The following ATP10B variants were observed in gnomAD, a reference collection of about 807,000 sequenced individuals.
The protein encoded by ATP10B is phospholipid-transporting ATPase VB.
ATP10B carries 122 observed loss-of-function variants against 141.2 expected under a neutral mutation model. The observed-to-expected ratio is 0.86, with a 90% CI of 0.75 to 1.00. ATP10B has a LOEUF of 1.00. Ranked by LOEUF, ATP10B falls within the 50% of genes least tolerant of loss-of-function variation. ATP10B has a pLI of 0.00. For synonymous variants in ATP10B, 685 were observed against 692.0 expected (o/e 0.99, Z 0.16); for missense variants, 1,876 against 1,825.3 (o/e 1.03, Z -0.51).
intron 2 of ATP10B, among the ~76,000 whole-genome samples, chr5:160,768,386 C>T (rs1561834482): frequency 6.6e-6 from 1 of 152,116 alleles, no homozygotes; most frequent in Non-Finnish European, 1.5e-5. Context: ...CTAGGCCTGT[C>T]CAAAATCCAT....
chr5:160,691,163 A>G (rs1471117575), intron 3 of ATP10B, among the ~76,000 whole-genome samples: 1 of 152,182 alleles, frequency 6.6e-6, no homozygotes, highest in African/African-American at 2.4e-5. Context: ...CTATGAGAAC[A>G]CATGGACACA....
At chr5:160,850,259 A>G (rs988845023) in intron 1 of ATP10B, among the ~76,000 whole-genome samples, 1 of 152,080 alleles carries the variant, frequency 6.6e-6, no homozygotes, top group Non-Finnish European at 1.5e-5. Context: ...ACAAAAAACA[A>G]AAAACAAAAC....
At chr5:160,600,556 A>G (rs1413910456) in intron 21 of ATP10B, among the ~76,000 whole-genome samples, 1 of 152,176 alleles carries the variant, frequency 6.6e-6, no homozygotes. Flanking sequence ...GCAGACATTC[A>G]ATTGTTATTT....
In ATP10B at chr5:160,767,733, G is replaced by A. The variant is rs942389709; in HGVS notation, c.-331+17826C>T. ...CATAAAGCTTGGCTCCCTAACAAAAGCAGTTTAATCCTGGATTCTTGCTAT... is the reference window on the plus strand; with the variant it reads ...CATAAAGCTTGGCTCCCTAACAAAAACAGTTTAATCCTGGATTCTTGCTAT... On this transcript the variant is annotated intron_variant, in intron 2 of 25. Coordinates refer to ENST00000327245, the MANE Select transcript of ATP10B (RefSeq NM_025153.3). Among the ~76,000 whole-genome samples the A allele has an allele frequency of 5.4e-5, 8 of 147,380 alleles. No homozygotes were observed. In the South Asian group the frequency reaches 1.5e-3, roughly 27 times the overall value.
intron 2 of ATP10B, among the ~76,000 whole-genome samples, chr5:160,738,775 A>G (rs533209504): frequency 1.7e-4 from 26 of 152,186 alleles, no homozygotes; most frequent in Non-Finnish European, 3.7e-4. Context: ...CCAGGCACAT[A>G]GATGGCTTCA....
the ATP10B span, among the ~76,000 whole-genome samples, chr5:160,922,667 G>A: frequency 6.6e-6 from 1 of 152,146 alleles, no homozygotes; most frequent in East Asian, 1.9e-4. Context: ...AAACCAATCT[G>A]AAAAACAAAT....
the ATP10B span, among the ~76,000 whole-genome samples, chr5:160,920,744 C>T: frequency 6.6e-6 from 1 of 152,206 alleles, no homozygotes; most frequent in Admixed American, 6.5e-5. Flanking sequence ...CAATGTCATG[C>T]AAACCCTTTG....
rs188512090 is a variant in ATP10B, at chr5:160,709,148, A to G, written c.-205+7761T>C. Among the ~76,000 whole-genome samples the G allele has an allele frequency of 2.0e-5, 3 of 152,322 alleles. No individual in the cohort carries two copies. In the East Asian group the frequency reaches 5.8e-4, roughly 29 times the overall value. On this transcript the variant is annotated intron_variant, in intron 3 of 25. Coordinates refer to ENST00000327245, the MANE Select transcript of ATP10B (RefSeq NM_025153.3). ...AGTGCATTAAAGACCTGCCTCATTG[A>G]GGGATAGGGTGAGGATTAAAACAAA...
rs1756255769 is a variant in ATP10B, at chr5:160,591,039, A to G, written c.3645+20T>C. On this transcript the variant is annotated intron_variant, in intron 23 of 25. Transcript: ENST00000327245. Reference sequence around the variant, plus strand: ...TCTTCTCTGCAATTTATGTGGTTAGAATGGGACTACATGACTTACCAGGTA... The same window carrying G: ...TCTTCTCTGCAATTTATGTGGTTAGGATGGGACTACATGACTTACCAGGTA... 2 of 1,598,174 alleles carry G rather than the reference A, an allele frequency of 1.3e-6. No homozygotes were observed. Among genetic ancestry groups the G allele is most frequent in the Admixed American group, 3.4e-5 (2 of 59,404 alleles).
the ATP10B span, among the ~76,000 whole-genome samples, chr5:160,927,468 C>A: frequency 6.6e-6 from 1 of 152,148 alleles, no homozygotes; most frequent in Non-Finnish European, 1.5e-5. Context: ...TGCCATTTAG[C>A]CTTTTTATCT....
At chr5:160,810,283 A>G (rs7731025) in intron 1 of ATP10B, among the ~76,000 whole-genome samples, 50,564 of 151,886 alleles carry the variant, frequency 0.33, 9,623 homozygotes, top group East Asian at 0.45. Context: ...ATGGTTTGCA[A>G]TTTGATATGT....
intron 1 of ATP10B, among the ~76,000 whole-genome samples, chr5:160,799,838 C>A (rs926862220): frequency 1.3e-5 from 2 of 152,178 alleles, no homozygotes; most frequent in African/African-American, 4.8e-5. Context: ...AATTTTCCTT[C>A]TTCCTTAAAA....
the ATP10B span, among the ~76,000 whole-genome samples, chr5:160,890,480 T>C: frequency 6.6e-6 from 1 of 152,186 alleles, no homozygotes; most frequent in Admixed American, 6.5e-5. Flanking sequence ...ACCACTCAGC[T>C]GCTTTCTGTC....
At chr5:160,772,450 G>C (rs548669401) in intron 2 of ATP10B, among the ~76,000 whole-genome samples, 2 of 152,322 alleles carry the variant, frequency 1.3e-5, no homozygotes, top group South Asian at 4.1e-4. Context: ...CTGTGGTCTT[G>C]TGTCCTCTAA....
chr5:160,847,507 G>T (rs1315731923), intron 1 of ATP10B, among the ~76,000 whole-genome samples: 1 of 152,132 alleles, frequency 6.6e-6, no homozygotes, highest in East Asian at 1.9e-4. Context: ...TTACTGAGAG[G>T]GAAAACTCCA....
intron 2 of ATP10B, among the ~76,000 whole-genome samples, chr5:160,723,270 C>T (rs1459509773): frequency 6.6e-6 from 1 of 152,162 alleles, no homozygotes; most frequent in African/African-American, 2.4e-5. Flanking sequence ...ATGGCATGAA[C>T]TTGACAGGTG....
At chr5:160,738,221 T>G (rs1767250929) in intron 2 of ATP10B, among the ~76,000 whole-genome samples, 1 of 152,128 alleles carries the variant, frequency 6.6e-6, no homozygotes, top group Non-Finnish European at 1.5e-5. Flanking sequence ...AAAAACATTT[T>G]GAAGTGAATG....
intron 24 of ATP10B, among the ~76,000 whole-genome samples, chr5:160,589,137 G>A (rs955680913): frequency 4.6e-5 from 7 of 151,920 alleles, no homozygotes; most frequent in Admixed American, 4.6e-4. Context: ...TCAGCCTCCC[G>A]AGTAGCTGTG....
intron 24 of ATP10B, among the ~76,000 whole-genome samples, chr5:160,582,801 C>A (rs546360560): frequency 1.3e-5 from 2 of 151,840 alleles, no homozygotes; most frequent in African/African-American, 4.9e-5. Context: ...TTTCTCTAAT[C>A]TTGTCTTCAA....
Sources: gnomAD v4.1 joint callset for allele counts (sites outside exome capture counted in the v4.1 genomes callset) on GRCh38, gnomAD v4.1.1 for gene constraint, MANE v1.5 for transcripts, NCBI Gene and HGNC (gene_info 2026-07-23, HGNC 2026-07-21) for gene names.